The following SCLT1 variants were observed in gnomAD, a reference collection of about 807,000 sequenced individuals.
The protein encoded by SCLT1 is sodium channel and clathrin linker 1.
A neutral mutation model predicts 112.8 loss-of-function variants in SCLT1; 78 were observed. The observed-to-expected ratio is 0.69, with a 90% CI of 0.58 to 0.83. SCLT1 has a LOEUF of 0.83. Ranked by LOEUF, SCLT1 falls within the 40% of genes least tolerant of loss-of-function variation. SCLT1 has a pLI of 0.00. For missense variants in SCLT1, 747 were observed against 770.4 expected, an observed-to-expected ratio of 0.97 and a Z score of 0.36; for synonymous variants, 257 against 254.7, an observed-to-expected ratio of 1.01 and a Z score of -0.09.
chr4:128,875,506 TTCAGGG>T (rs2125913192), intron 4 of SCLT1, among the ~76,000 whole-genome samples: 1 of 152,314 alleles, frequency 6.6e-6, no homozygotes, highest in South Asian at 2.1e-4. Context: ...CAACGTAGAC[TTCAGGG>T]TCAGAGAGAA....
chr4:128,929,676 G>T (rs1439239430), intron 18 of SCLT1, among the ~76,000 whole-genome samples: 1 of 151,846 alleles, frequency 6.6e-6, no homozygotes, highest in East Asian at 1.9e-4. Flanking sequence ...AGAGATGTCA[G>T]AAACAGATCC....
At chr4:128,875,238 T>A (rs1732481494) in intron 4 of SCLT1, 1 of 152,674 alleles carries the variant, frequency 6.5e-6, no homozygotes, top group South Asian at 2.1e-4. Flanking sequence ...TAAGTGTCTT[T>A]TGAAATCTGC....
At chr4:128,914,221 C>G (rs1279551385) in intron 18 of SCLT1, among the ~76,000 whole-genome samples, 1 of 152,010 alleles carries the variant, frequency 6.6e-6, no homozygotes, top group African/African-American at 2.4e-5. Context: ...AAAAAATTAG[C>G]TGGGCATGGT....
intron 18 of SCLT1, among the ~76,000 whole-genome samples, chr4:128,897,280 C>G (rs146397486): frequency 1.3e-5 from 2 of 151,804 alleles, no homozygotes; most frequent in Non-Finnish European, 2.9e-5. Flanking sequence ...AGAGAAAGAT[C>G]GGGTTACCCA....
chr4:128,898,653 T>G (rs368016478), intron 18 of SCLT1, among the ~76,000 whole-genome samples: 2 of 151,124 alleles, frequency 1.3e-5, no homozygotes, highest in Admixed American at 6.6e-5. Context: ...AGCTAGCAGA[T>G]GGCAAGAAAT....
At chr4:128,901,199 C>T (rs1365478840) in intron 18 of SCLT1, among the ~76,000 whole-genome samples, 1 of 152,170 alleles carries the variant, frequency 6.6e-6, no homozygotes, top group East Asian at 1.9e-4. Context: ...ATAAATCATG[C>T]TGCTATAAAG....
intron 2 of SCLT1, among the ~76,000 whole-genome samples, chr4:129,069,317 G>A (rs116648036): frequency 5.9e-4 from 89 of 152,024 alleles, no homozygotes; most frequent in Non-Finnish European, 1.1e-3. Flanking sequence ...GAAGAATAAT[G>A]GTATTTTGAT....
intron 18 of SCLT1, among the ~76,000 whole-genome samples, chr4:128,893,283 A>G (rs2125925808): frequency 6.6e-6 from 1 of 152,348 alleles, no homozygotes; most frequent in African/African-American, 2.4e-5. Context: ...ACAAATCATT[A>G]AATGAAAATA....
At chr4:128,878,570 G>C (rs1190754976) in intron 3 of SCLT1, among the ~76,000 whole-genome samples, 1 of 152,024 alleles carries the variant, frequency 6.6e-6, no homozygotes, top group East Asian at 1.9e-4. Context: ...GCCTCAACTA[G>C]TCTCAAGTAC....
intron 18 of SCLT1, among the ~76,000 whole-genome samples, chr4:128,925,065 C>T (rs531313797): frequency 3.9e-5 from 6 of 152,150 alleles, no homozygotes; most frequent in East Asian, 1.9e-4. Context: ...AGTTAAGACC[C>T]GAGGCCTGCC....
intron 9 of SCLT1, among the ~76,000 whole-genome samples, chr4:128,981,729 C>T (rs1210203538): frequency 6.7e-6 from 1 of 148,874 alleles, no homozygotes; most frequent in South Asian, 2.1e-4. Context: ...TAAAACTCTG[C>T]TCTCCCACAA....
At chr4:128,905,017 A>T (rs569030488) in intron 18 of SCLT1, among the ~76,000 whole-genome samples, 1 of 152,310 alleles carries the variant, frequency 6.6e-6, no homozygotes, top group African/African-American at 2.4e-5. Context: ...TAAATATAAC[A>T]TTACAAATTT....
At chr4:128,878,318 T>C (rs928260774) in intron 3 of SCLT1, among the ~76,000 whole-genome samples, 1 of 152,222 alleles carries the variant, frequency 6.6e-6, no homozygotes, top group Non-Finnish European at 1.5e-5. Flanking sequence ...ATTACATTTA[T>C]AATTATGGGT....
intron 18 of SCLT1, among the ~76,000 whole-genome samples, chr4:128,922,691 C>T (rs1383427253): frequency 1.3e-5 from 2 of 152,100 alleles, no homozygotes; most frequent in Non-Finnish European, 2.9e-5. Context: ...CTATCAAGTA[C>T]TATGCTTATT....
At chr4:128,894,546 A>G (rs1191445091) in intron 18 of SCLT1, among the ~76,000 whole-genome samples, 1 of 152,132 alleles carries the variant, frequency 6.6e-6, no homozygotes, top group East Asian at 1.9e-4. Flanking sequence ...ATTCAAACTT[A>G]ACAAGCCTAA....
rs140549917 is a variant in SCLT1, at chr4:128,876,572, A to T, written n.290T>A. On this transcript the variant is annotated non_coding_transcript_exon_variant, in exon 4 of 8. Coordinates refer to the SCLT1 transcript ENST00000503565. ...CTTCAAGGTTGAAATCTTCAATATG[A>T]TTTCCCTTTAATGCTCAGAACTCCA... 47 of 152,320 alleles carry T rather than the reference A, an allele frequency of 3.1e-4. No individual in the cohort carries two copies. The East Asian group carries it at 7.9e-3, about 26-fold the overall frequency. 9.4% of individuals were successfully genotyped at this position (152,320 alleles called of 1,614,324 possible).
Position 129,093,346 on chromosome 4 carries a change from G to A in SCLT1, c.-243C>T. 1.8e-6 allele frequency: 1 copy of A among 566,210 alleles called. No individual in the cohort carries two copies. The allele number at this position is 566,210 out of a possible 1,614,324, so 35.1% of individuals were successfully genotyped here. On this transcript the variant is annotated 5_prime_UTR_variant, in exon 1 of 21. Coordinates refer to ENST00000281142, the MANE Select transcript of SCLT1 (RefSeq NM_144643.4). ...ATTGCTGGGGACTCCACGTTCAACC[G>A]AATCCCACGCTGGTGGGAAGAGGAC...
At chr4:129,067,599 C>T (rs1440169676) in intron 2 of SCLT1, among the ~76,000 whole-genome samples, 4 of 152,074 alleles carry the variant, frequency 2.6e-5, no homozygotes, top group African/African-American at 7.2e-5. Flanking sequence ...CAACAGCCAC[C>T]TCCCTGGTTC....
chr4:128,887,689 G>T (rs574978716), intron 20 of SCLT1, among the ~76,000 whole-genome samples: 8 of 152,072 alleles, frequency 5.3e-5, no homozygotes, highest in African/African-American at 1.9e-4. Flanking sequence ...ACAATCAAGG[G>T]CCTACTTCAT....
Sources: gnomAD v4.1 joint callset for allele counts (sites outside exome capture counted in the v4.1 genomes callset) on GRCh38, gnomAD v4.1.1 for gene constraint, MANE v1.5 for transcripts, NCBI Gene and HGNC (gene_info 2026-07-23, HGNC 2026-07-21) for gene names.